FAM168A: variants seen among roughly 807,000 people sequenced by gnomAD.
FAM168A encodes family with sequence similarity 168 member A.
Under a neutral mutation model 28.5 loss-of-function variants are expected in FAM168A, and 3 were observed. The ratio of observed to expected loss-of-function variants is 0.11; its 90% confidence interval spans 0.05 to 0.27. The LOEUF (loss-of-function observed/expected upper bound fraction) is 0.27, where lower values mean the gene tolerates loss of function less well. Among genes scored for constraint, FAM168A ranks in the 10% least tolerant of loss-of-function variants. The pLI, the probability that FAM168A is intolerant of heterozygous loss-of-function variation, is 1.00. For synonymous variants in FAM168A, 122 were observed against 124.2 expected, an observed-to-expected ratio of 0.98 and a Z score of 0.12; for missense variants, 222 against 311.5, an observed-to-expected ratio of 0.71 and a Z score of 2.16.
intron 1 of FAM168A, among the ~76,000 whole-genome samples, chr11:73,578,636 G>A (rs1944204702): frequency 6.6e-6 from 1 of 152,194 alleles, no homozygotes; most frequent in Non-Finnish European, 1.5e-5. Flanking sequence ...TAAACGGTTA[G>A]TAAAACATCA....
At chr11:73,489,040 C>T (rs1868092914) in intron 1 of FAM168A, among the ~76,000 whole-genome samples, 1 of 151,898 alleles carries the variant, frequency 6.6e-6, no homozygotes, top group African/African-American at 2.4e-5. Context: ...AAGTGTATGC[C>T]CGTCTAATTT....
chr11:73,555,479 TG>T (rs1344051334), intron 1 of FAM168A, among the ~76,000 whole-genome samples: 4 of 150,944 alleles, frequency 2.6e-5, no homozygotes, highest in Non-Finnish European at 5.9e-5. Flanking sequence ...TCGAGGCGGG[TG>T]GATCTCTTGA....
At chr11:73,549,918 C>T (rs1565294296) in intron 1 of FAM168A, among the ~76,000 whole-genome samples, 1 of 152,190 alleles carries the variant, frequency 6.6e-6, no homozygotes, top group South Asian at 2.1e-4. Context: ...TTTCTTGCTT[C>T]AGGTTTGGTA....
chr11:73,496,895 ACACACACACACG>A (rs1303209807), intron 1 of FAM168A, among the ~76,000 whole-genome samples: 38 of 149,452 alleles, frequency 2.5e-4, no homozygotes, highest in South Asian at 1.7e-3. Context: ...ACACACACAC[ACACACACACACG>A]CACACACACG....
intron 2 of FAM168A, among the ~76,000 whole-genome samples, chr11:73,447,723 CT>C (rs1867347562): frequency 6.6e-6 from 1 of 151,600 alleles, no homozygotes; most frequent in Non-Finnish European, 1.5e-5. Context: ...GTCTTTCTCC[CT>C]TTCTAATCCC....
At chr11:73,416,889 T>C (rs1487174947) in intron 4 of FAM168A, among the ~76,000 whole-genome samples, 5 of 151,794 alleles carry the variant, frequency 3.3e-5, no homozygotes, top group African/African-American at 7.3e-5. Context: ...GAGACTGCAG[T>C]GTGACGTGAT....
intron 2 of FAM168A, among the ~76,000 whole-genome samples, chr11:73,463,393 G>C (rs1220962560): frequency 2.0e-5 from 3 of 152,118 alleles, no homozygotes; most frequent in Non-Finnish European, 2.9e-5. Context: ...GGCAGATAGT[G>C]GTATTAATCA....
In FAM168A at chr11:73,579,843, A is replaced by T. The variant is rs1216770215; in HGVS notation, c.-19+18080T>A. ...GCAAGCATAAGTCTTCTGACAAGAAATGAGGCTCTTTCTAGTTCAGCTGGT... is the reference window on the plus strand; with the variant it reads ...GCAAGCATAAGTCTTCTGACAAGAATTGAGGCTCTTTCTAGTTCAGCTGGT... On this transcript the variant is annotated intron_variant, in intron 1 of 7. Coordinates refer to ENST00000356467, the MANE Select transcript of FAM168A (RefSeq NM_015159.3). Among the ~76,000 whole-genome samples the T allele has an allele frequency of 2.0e-5, 3 of 152,240 alleles. No individual in the cohort carries two copies. In the East Asian group the frequency reaches 5.8e-4, roughly 29 times the overall value.
At position 73,405,705 on chromosome 11, in the gene FAM168A, C is replaced by T. The variant is rs1866493186; in HGVS notation, c.*1058G>A. ...GTTCCTTCACTTGGGCCATGAATGG[C>T]ACAGGTAACCAAGAGCTTGGCCTGC... On this transcript the variant is annotated 3_prime_UTR_variant, in exon 8 of 8. Transcript: ENST00000356467. 1 of 152,244 alleles carries T rather than the reference C, an allele frequency of 6.6e-6. No individual in the cohort carries two copies. Among genetic ancestry groups the T allele is most frequent in the South Asian group, 2.1e-4 (1 of 4,826 alleles). The allele number at this position is 152,244 out of a possible 1,614,324, so 9.4% of individuals were successfully genotyped here.
chr11:73,533,817 A>T (rs1943543950), intron 1 of FAM168A, among the ~76,000 whole-genome samples: 1 of 152,190 alleles, frequency 6.6e-6, no homozygotes, highest in Admixed American at 6.5e-5. Flanking sequence ...TTCACTCAAA[A>T]CAGTAAACTT....
intron 2 of FAM168A, among the ~76,000 whole-genome samples, chr11:73,457,723 C>CAAAAAAAAAAAAAAAAAAAAAA (rs58142151): frequency 1.3e-4 from 5 of 37,542 alleles, no homozygotes; most frequent in Non-Finnish European, 3.1e-4. Context: ...GCCTGGGTGA[C>CAAAAAAAAAAAAAAAAAAAAAA]AAAAAAAAAA....
In FAM168A at chr11:73,558,293, C is replaced by T. The variant is rs892704042; in HGVS notation, c.-19+39630G>A. On this transcript the variant is annotated intron_variant, in intron 1 of 7. Transcript: ENST00000356467. The stretch of plus-strand genomic sequence containing the variant: ...GCTTGGGCAAATAGCAAGACACTGC[C>T]TCTACAAAAAATGTAAAAAAGAAAA... Among the ~76,000 whole-genome samples, 4 of 151,780 alleles carry T rather than the reference C, an allele frequency of 2.6e-5. No homozygotes were observed. The East Asian group carries it at 7.7e-4, about 29-fold the overall frequency.
At chr11:73,452,743 A>G (rs1293763511) in intron 2 of FAM168A, among the ~76,000 whole-genome samples, 1 of 151,716 alleles carries the variant, frequency 6.6e-6, no homozygotes, top group Non-Finnish European at 1.5e-5. Context: ...AGGACTACAC[A>G]TTTTTAACCA....
chr11:73,558,617 T>A (rs545614847), intron 1 of FAM168A, among the ~76,000 whole-genome samples: 2,136 of 147,472 alleles, frequency 0.014, 46 homozygotes, highest in African/African-American at 0.051. Context: ...AAAAAAAAAA[T>A]TTTAATGGGC....
At position 73,400,788 on chromosome 11, in the gene FAM168A, A is replaced by C. The variant is rs1003137948; in HGVS notation, c.*5975T>G. 2 of 151,744 alleles carry C rather than the reference A, an allele frequency of 1.3e-5. No homozygotes were observed. Among genetic ancestry groups the C allele is most frequent in the Non-Finnish European group, 2.9e-5 (2 of 67,864 alleles). The allele number at this position is 151,744 out of a possible 1,614,324, so 9.4% of individuals were successfully genotyped here. On this transcript the variant is annotated 3_prime_UTR_variant, in exon 8 of 8. Coordinates refer to ENST00000356467, the MANE Select transcript of FAM168A (RefSeq NM_015159.3). Reference sequence around the variant, plus strand: ...AAGAACCACTCAGTCTAGTCACCTAAGACTTTTTTTTGGGGGGGAATTTTT... The same window carrying C: ...AAGAACCACTCAGTCTAGTCACCTACGACTTTTTTTTGGGGGGGAATTTTT...
intron 6 of FAM168A, among the ~76,000 whole-genome samples, chr11:73,409,139 A>G (rs1866561520): frequency 6.6e-6 from 1 of 152,128 alleles, no homozygotes; most frequent in Non-Finnish European, 1.5e-5. Flanking sequence ...TATCCTTGCT[A>G]GCGATCCAGC....
intron 1 of FAM168A, among the ~76,000 whole-genome samples, chr11:73,502,465 T>C (rs907376482): frequency 8.5e-5 from 13 of 152,162 alleles, no homozygotes; most frequent in African/African-American, 2.7e-4. Context: ...GATCCCTGAA[T>C]AGACTGATAA....
At chr11:73,578,324 A>G (rs1450912173) in intron 1 of FAM168A, among the ~76,000 whole-genome samples, 2 of 152,152 alleles carry the variant, frequency 1.3e-5, no homozygotes, top group African/African-American at 4.8e-5. Flanking sequence ...TCAAAGGGGC[A>G]CCAAGAAACT....
At chr11:73,496,909 A>ACACACACACACACACACACACACACG (rs1565271121) in intron 1 of FAM168A, among the ~76,000 whole-genome samples, 10 of 147,306 alleles carry the variant, frequency 6.8e-5, no homozygotes, top group African/African-American at 1.7e-4. Flanking sequence ...ACACACACGC[A>ACACACACACACACACACACACACACG]CACACACGCA....
Sources: allele counts gnomAD v4.1 joint callset (sites outside exome capture counted in the v4.1 genomes callset), GRCh38; gene constraint gnomAD v4.1.1; transcripts MANE v1.5; gene names NCBI Gene and HGNC (gene_info 2026-07-23, HGNC 2026-07-21).